The following TPTE2 variants were observed in gnomAD, a reference collection of about 807,000 sequenced individuals.
TPTE2 encodes the protein phosphatidylinositol 3,4,5-trisphosphate 3-phosphatase TPTE2.
In TPTE2, 53 loss-of-function variants were observed where a neutral mutation model predicts 78.6. The observed-to-expected ratio is 0.67, with a 90% CI of 0.54 to 0.85. The LOEUF (loss-of-function observed/expected upper bound fraction) is 0.85. TPTE2 is among the 40% of genes least tolerant of loss of function. The pLI, the probability that TPTE2 is intolerant of heterozygous loss-of-function variation, is 0.00. For missense variants in TPTE2, 461 were observed against 623.0 expected, an observed-to-expected ratio of 0.74 and a Z score of 2.77; for synonymous variants, 175 against 206.2, an observed-to-expected ratio of 0.85 and a Z score of 1.30.
chr13:19,441,140 A>C lies in TPTE2; in HGVS notation c.974-2987T>G, dbSNP rs373258755. On this transcript the variant is annotated intron_variant, in intron 13 of 19. Transcript: ENST00000400230. ...AGCATCACGGATGCAGCTGGAAGTC[A>C]TTATCCTGAGCAAATTAATACAGGA... Among the ~76,000 whole-genome samples, 3 of 152,244 alleles carry C rather than the reference A, an allele frequency of 2.0e-5. No individual in the cohort carries two copies. In the East Asian group the frequency reaches 5.8e-4, roughly 29 times the overall value.
the TPTE2 span, among the ~76,000 whole-genome samples, chr13:19,547,714 AATATAC>A: frequency 4.6e-5 from 5 of 108,542 alleles, no homozygotes; most frequent in South Asian, 8.8e-4. Flanking sequence ...CTAAGTAATA[AATATAC>A]ATATATATAT....
intron 3 of TPTE2, among the ~76,000 whole-genome samples, chr13:19,484,602 C>G (rs1464397057): frequency 6.6e-6 from 1 of 152,040 alleles, no homozygotes; most frequent in Admixed American, 6.5e-5. Context: ...GGTCTATCTC[C>G]CTCTTTAGAT....
chr13:19,497,256 TAAAC>T, intron 1 of TPTE2, among the ~76,000 whole-genome samples: 1 of 142,432 alleles, frequency 7.0e-6, no homozygotes. Flanking sequence ...CTTGATTAGG[TAAAC>T]AAAGCAGCCA....
At chr13:19,460,350 T>C (rs1232645079) in intron 10 of TPTE2, among the ~76,000 whole-genome samples, 1 of 152,246 alleles carries the variant, frequency 6.6e-6, no homozygotes, top group African/African-American at 2.4e-5. Context: ...TCGCACCCTC[T>C]GCCTGCTTGT....
At chr13:19,510,780 A>G (rs1869381887) in intron 1 of TPTE2, among the ~76,000 whole-genome samples, 1 of 152,226 alleles carries the variant, frequency 6.6e-6, no homozygotes. Context: ...AACAAGACAA[A>G]GACAGGAACA....
chr13:19,430,864 C>T (rs113600987), intron 16 of TPTE2, among the ~76,000 whole-genome samples: 1 of 152,164 alleles, frequency 6.6e-6, no homozygotes, highest in Non-Finnish European at 1.5e-5. Context: ...TGGTGGCTCA[C>T]ACCTGTAATC....
At chr13:19,560,789 G>A in the TPTE2 span, 9 of 1,471,514 alleles carry the variant, frequency 6.1e-6, no homozygotes, top group Admixed American at 1.9e-5. Context: ...TCCACCTCTG[G>A]CACCGCTTGT....
chr13:19,525,221 C>G (rs1870423024), intron 1 of TPTE2, among the ~76,000 whole-genome samples: 2 of 152,096 alleles, frequency 1.3e-5, no homozygotes, highest in African/African-American at 4.8e-5. Context: ...GATTGACTAG[C>G]TATGTGGAGG....
At chr13:19,423,314 C>T in intron 19 of TPTE2, 150 bp from the exon 23 acceptor site, 1 of 535,462 alleles carries the variant, frequency 1.9e-6, no homozygotes, top group Non-Finnish European at 3.2e-6. Context: ...TTGGCTCCTT[C>T]CACCTTTTTA....
the TPTE2 span, among the ~76,000 whole-genome samples, chr13:19,549,584 A>G: frequency 1.4e-5 from 2 of 142,636 alleles, no homozygotes; most frequent in African/African-American, 4.9e-5. Flanking sequence ...CACTGTGGAA[A>G]GCAGTCTGGA....
chr13:19,561,495 G>A, the TPTE2 span, among the ~76,000 whole-genome samples: 3 of 152,114 alleles, frequency 2.0e-5, no homozygotes, highest in South Asian at 2.1e-4. Flanking sequence ...GCGGGAGACC[G>A]CTACCAGGTT....
intron 14 of TPTE2, among the ~76,000 whole-genome samples, chr13:19,437,058 C>CACACACAA (rs1555247903): frequency 7.3e-5 from 11 of 151,672 alleles, no homozygotes; most frequent in African/African-American, 2.7e-4. Context: ...CACACACACA[C>CACACACAA]ACACACATAC....
chr13:19,482,811 A>T (rs1012875399), intron 3 of TPTE2, among the ~76,000 whole-genome samples: 1 of 150,742 alleles, frequency 6.6e-6, no homozygotes, highest in African/African-American at 2.4e-5. Flanking sequence ...ATATATGTAT[A>T]TAAAGATATA....
chr13:19,534,311 A>G (rs1377555691), intron 1 of TPTE2, among the ~76,000 whole-genome samples: 1 of 152,192 alleles, frequency 6.6e-6, no homozygotes, highest in Non-Finnish European at 1.5e-5. Flanking sequence ...CACCTTTGGA[A>G]CCATCATAAA....
At chr13:19,531,117 G>A (rs1018384068) in intron 1 of TPTE2, among the ~76,000 whole-genome samples, 6 of 152,074 alleles carry the variant, frequency 3.9e-5, no homozygotes, top group Non-Finnish European at 8.8e-5. Context: ...TTCTGTGACT[G>A]GCTTATTTCA....
intron 1 of TPTE2, among the ~76,000 whole-genome samples, chr13:19,500,566 T>C (rs1253455820): frequency 3.3e-5 from 5 of 152,232 alleles, no homozygotes; most frequent in African/African-American, 1.2e-4. Flanking sequence ...ATTATCTCAA[T>C]AGATGCAGAA....
chr13:19,503,172 T>A (rs1383769006), intron 1 of TPTE2, 52 bp downstream of exon 4: 1 of 1,611,848 alleles, frequency 6.2e-7, no homozygotes, highest in Non-Finnish European at 8.5e-7. Context: ...TGTGAATACT[T>A]CTATGCTCAG....
At chr13:19,444,681 A>G (rs1241659712) in intron 13 of TPTE2, among the ~76,000 whole-genome samples, 2 of 152,188 alleles carry the variant, frequency 1.3e-5, no homozygotes, top group African/African-American at 2.4e-5. Flanking sequence ...CAGTGTGTGT[A>G]ATTTGACTAG....
chr13:19,504,404 A>C (rs141838345), upstream of TPTE2, among the ~76,000 whole-genome samples: 3,214 of 152,040 alleles, frequency 0.021, 119 homozygotes, highest in African/African-American at 0.074. Context: ...TGCCCCATAC[A>C]ATGTGATGAT....
Sources: gnomAD v4.1 joint callset for allele counts (sites outside exome capture counted in the v4.1 genomes callset) on GRCh38, gnomAD v4.1.1 for gene constraint, MANE v1.5 for transcripts, NCBI Gene and HGNC (gene_info 2026-07-23, HGNC 2026-07-21) for gene names.